The following PTPN20 variants were observed in gnomAD, a reference collection of about 807,000 sequenced individuals.
The protein encoded by PTPN20 is protein tyrosine phosphatase non-receptor type 20.
Under a neutral mutation model 35.0 loss-of-function variants are expected in PTPN20, and 9 were observed. The observed-to-expected ratio is 0.26, with a 90% CI of 0.15 to 0.45. The LOEUF (loss-of-function observed/expected upper bound fraction) is 0.45. Among genes scored for constraint, PTPN20 ranks in the 20% least tolerant of loss-of-function variants. PTPN20 has a pLI of 1.00. For missense variants in PTPN20, 111 were observed against 312.5 expected (o/e 0.36, Z 4.86); for synonymous variants, 32 against 100.2 (o/e 0.32, Z 4.06).
intron 7 of PTPN20, among the ~76,000 whole-genome samples, chr10:46,979,967 A>C (rs1327425316): frequency 5.3e-5 from 8 of 151,082 alleles, no homozygotes; most frequent in Non-Finnish European, 8.9e-5. Context: ...GATATTACAG[A>C]GGTTTATTAC....
chr10:46,935,306 G>GTT (rs71465454), intron 2 of PTPN20, among the ~76,000 whole-genome samples: 1,969 of 107,528 alleles, frequency 0.018, 34 homozygotes, highest in Admixed American at 0.054. Flanking sequence ...ATTTCATTCT[G>GTT]TTTTTTTTTT....
intron 7 of PTPN20, among the ~76,000 whole-genome samples, chr10:46,975,898 T>C (rs2053430413): frequency 6.6e-6 from 1 of 151,450 alleles, no homozygotes; most frequent in Non-Finnish European, 1.5e-5. Context: ...TGACCTCAGG[T>C]GATCCACCCA....
chr10:46,939,110 C>G (rs1482001419), intron 2 of PTPN20, among the ~76,000 whole-genome samples: 1 of 147,524 alleles, frequency 6.8e-6, no homozygotes, highest in African/African-American at 2.5e-5. Flanking sequence ...TTTTCAGAAC[C>G]GTTTGCATGA....
At chr10:46,953,700 C>T (rs1201257081) in intron 5 of PTPN20, among the ~76,000 whole-genome samples, 6 of 141,526 alleles carry the variant, frequency 4.2e-5, no homozygotes, top group Non-Finnish European at 8.9e-5. Flanking sequence ...GTTGATATAC[C>T]GTGAGTTACT....
At chr10:46,983,233 C>T (rs1378675197) in intron 7 of PTPN20, among the ~76,000 whole-genome samples, 10 of 152,034 alleles carry the variant, frequency 6.6e-5, no homozygotes, top group South Asian at 4.2e-4. Flanking sequence ...TGAGCCACCG[C>T]GCCTGGCTGA....
chr10:46,948,150 T>C (rs1407504721), intron 5 of PTPN20, among the ~76,000 whole-genome samples: 1 of 152,088 alleles, frequency 6.6e-6, no homozygotes, highest in Non-Finnish European at 1.5e-5. Context: ...TTGTGTCAAG[T>C]CTACTAATGA....
Position 46,984,554 on chromosome 10 carries a change from TGGA to T in PTPN20, c.910_912del (p.Glu304del), listed in dbSNP as rs2056491414. ...TTCATCATTCGAATGTTTCAAGTTG[TGGA>T]GAAGTCCGTAAGTTTTTAAACATCA... On this transcript the variant is annotated inframe_deletion, in exon 8 of 11. Transcript: ENST00000374339. 6.4e-7 allele frequency: 1 copy of T among 1,551,648 alleles called. No homozygotes were observed. Among genetic ancestry groups the T allele is most frequent in the Non-Finnish European group, 8.9e-7 (1 of 1,128,886 alleles).
chr10:46,918,816 T>C (rs1315128237), intron 1 of PTPN20, among the ~76,000 whole-genome samples: 1 of 123,668 alleles, frequency 8.1e-6, no homozygotes, highest in Non-Finnish European at 1.6e-5. Flanking sequence ...CCGTGTCCAC[T>C]TTAATACTTA....
chr10:46,946,984 T>C (rs2044992410), intron 5 of PTPN20: 1 of 338,888 alleles, frequency 3.0e-6, no homozygotes. Flanking sequence ...CTTCCTTATT[T>C]CCTTTTTAAA....
At chr10:46,951,481 C>T (rs1376562957) in intron 5 of PTPN20, among the ~76,000 whole-genome samples, 2 of 152,216 alleles carry the variant, frequency 1.3e-5, no homozygotes, top group Non-Finnish European at 2.9e-5. Flanking sequence ...GGGAGACTTT[C>T]ATGAACATTC....
downstream of PTPN20, among the ~76,000 whole-genome samples, chr10:47,003,605 C>G (rs1310046797): frequency 2.6e-5 from 4 of 152,108 alleles, no homozygotes; most frequent in African/African-American, 9.7e-5. Flanking sequence ...CAGGCCATAT[C>G]TGACTTCTTG....
At chr10:46,926,960 A>G (rs1357215226) in intron 1 of PTPN20, among the ~76,000 whole-genome samples, 312 of 125,608 alleles carry the variant, frequency 2.5e-3, no homozygotes, top group Middle Eastern at 0.013. Flanking sequence ...TAGAAGGAAA[A>G]CAGATGTTTT....
At chr10:46,993,884 A>C (rs1201438081) in intron 9 of PTPN20, among the ~76,000 whole-genome samples, 3 of 152,100 alleles carry the variant, frequency 2.0e-5, no homozygotes, top group Non-Finnish European at 4.4e-5. Context: ...TTACCAGTGG[A>C]TTTTATGCCT....
At chr10:46,945,192 G>T (rs1381596590) in intron 4 of PTPN20, among the ~76,000 whole-genome samples, 1 of 150,304 alleles carries the variant, frequency 6.7e-6, no homozygotes, top group Non-Finnish European at 1.5e-5. Context: ...GGAGAGGGAA[G>T]TAATGCCATA....
intron 5 of PTPN20, among the ~76,000 whole-genome samples, chr10:46,950,872 A>G (rs1315713917): frequency 2.6e-5 from 4 of 151,940 alleles, no homozygotes; most frequent in Non-Finnish European, 5.9e-5. Flanking sequence ...CCCTGCAACC[A>G]TAGTTTTTAA....
intron 5 of PTPN20, among the ~76,000 whole-genome samples, chr10:46,952,769 G>C (rs2047078430): frequency 6.6e-6 from 1 of 151,852 alleles, no homozygotes; most frequent in African/African-American, 2.4e-5. Flanking sequence ...CACCCTAGAG[G>C]ATCACCTGCA....
At chr10:46,984,076 T>G (rs1380748000) in intron 7 of PTPN20, among the ~76,000 whole-genome samples, 154 bp from the exon 8 acceptor site, 2 of 152,078 alleles carry the variant, frequency 1.3e-5, no homozygotes, top group African/African-American at 4.8e-5. Flanking sequence ...TAATTTAAAC[T>G]CATGGACTCA....
chr10:46,983,120 A>G (rs1377388141), intron 7 of PTPN20, among the ~76,000 whole-genome samples: 3 of 138,224 alleles, frequency 2.2e-5, no homozygotes, highest in Non-Finnish European at 4.5e-5. Flanking sequence ...TCTGTCACCC[A>G]GGCTGAAGTA....
At chr10:46,948,176 A>G (rs1162491171) in intron 5 of PTPN20, among the ~76,000 whole-genome samples, 5 of 152,104 alleles carry the variant, frequency 3.3e-5, no homozygotes, top group Non-Finnish European at 7.3e-5. Flanking sequence ...TTGAAAGCAC[A>G]CAGTGTTTTT....
Sources: gnomAD v4.1 joint callset for allele counts (sites outside exome capture counted in the v4.1 genomes callset) on GRCh38, gnomAD v4.1.1 for gene constraint, MANE v1.5 for transcripts, NCBI Gene and HGNC (gene_info 2026-07-23, HGNC 2026-07-21) for gene names.